Variants in DAAM1 observed in about 807,000 individuals in gnomAD.
DAAM1 encodes disheveled-associated activator of morphogenesis 1.
Under a neutral mutation model 130.0 loss-of-function variants are expected in DAAM1, and 52 were observed. The observed-to-expected ratio is 0.40, with a 90% CI of 0.32 to 0.50. The LOEUF (loss-of-function observed/expected upper bound fraction) is 0.50, where lower values mean the gene tolerates loss of function less well. Ranked by LOEUF, DAAM1 falls within the 20% of genes least tolerant of loss-of-function variation. DAAM1 has a pLI of 0.61. For synonymous variants in DAAM1, 452 were observed against 444.5 expected (o/e 1.02, Z -0.21); for missense variants, 1,134 against 1,303.8 (o/e 0.87, Z 2.01).
At chr14:59,340,051 G>T (rs1885785143) in intron 15 of DAAM1, 23 bp from the exon 16 acceptor site, 2 of 1,605,464 alleles carry the variant, frequency 1.2e-6, no homozygotes, top group African/African-American at 1.3e-5. Flanking sequence ...GACTTTGATG[G>T]ATTTCTTTCA....
At chr14:59,269,165 G>A (rs941603910) in intron 2 of DAAM1, among the ~76,000 whole-genome samples, 3 of 152,234 alleles carry the variant, frequency 2.0e-5, no homozygotes, top group Non-Finnish European at 2.9e-5. Context: ...TAGCAGAAAA[G>A]ACAGGCAACT....
chr14:59,218,077 G>A (rs1352183401), intron 1 of DAAM1, among the ~76,000 whole-genome samples: 1 of 152,170 alleles, frequency 6.6e-6, no homozygotes, highest in East Asian at 1.9e-4. Flanking sequence ...AGGCTGCAGT[G>A]AACTATGATT....
intron 4 of DAAM1, among the ~76,000 whole-genome samples, chr14:59,315,795 T>G (rs8003365): frequency 0.31 from 47,775 of 152,034 alleles, 8,894 homozygotes; most frequent in East Asian, 0.56. Flanking sequence ...GGCATCATGA[T>G]TTTGCAGGGG....
intron 15 of DAAM1, 143 bp downstream of exon 15, chr14:59,332,063 C>T (rs1441972308): frequency 1.3e-5 from 9 of 684,392 alleles, no homozygotes; most frequent in South Asian, 1.9e-5. Context: ...TCCGTGTCTC[C>T]GTCCAAGTGC....
chr14:59,200,587 T>C (rs778533182), intron 1 of DAAM1, among the ~76,000 whole-genome samples: 11 of 152,198 alleles, frequency 7.2e-5, no homozygotes, highest in East Asian at 1.9e-4. Flanking sequence ...GAAAATGTTA[T>C]AAGGTTTTAA....
At chr14:59,337,878 A>G (rs889658359) in intron 15 of DAAM1, among the ~76,000 whole-genome samples, 4 of 152,106 alleles carry the variant, frequency 2.6e-5, no homozygotes, top group Admixed American at 2.0e-4. Context: ...TCTTTTCTCA[A>G]TCCTTCCTTA....
chr14:59,235,413 TTTC>T (rs1889261632), intron 1 of DAAM1, among the ~76,000 whole-genome samples: 1 of 152,204 alleles, frequency 6.6e-6, no homozygotes, highest in South Asian at 2.1e-4. Flanking sequence ...TCTTCTAGGT[TTTC>T]TTGTTTATTT....
At chr14:59,200,000 G>C (rs1393577750) in intron 1 of DAAM1, among the ~76,000 whole-genome samples, 1 of 152,200 alleles carries the variant, frequency 6.6e-6, no homozygotes, top group Admixed American at 6.5e-5. Context: ...GGATATTTAG[G>C]GATAAATTGG....
Position 59,363,723 on chromosome 14 carries a change from A to G in DAAM1, c.2767A>G (p.Thr923Ala). Residue 923 changes from threonine to alanine, a missense_variant, in exon 23 of 25, where the codon ACA becomes GCA. This residue lies in a region of DAAM1 where 644 missense variants were observed against 695.9 expected (regional missense o/e 0.93). Coordinates refer to ENST00000360909, the MANE Select transcript of DAAM1 (RefSeq NM_001270520.2). The stretch of plus-strand genomic sequence containing the variant: ...TGTGTCTGTTGTCAGCCAGTTCATC[A>G]CAGTAGCCAGCTTCAGCTTCTCTGA... ...KFVSVVSQFITVASFSFSDVE... is the reference protein window; with the variant it reads ...KFVSVVSQFIAVASFSFSDVE... 1 of 1,614,116 alleles carries G rather than the reference A, an allele frequency of 6.2e-7. No individual in the cohort carries two copies. Among genetic ancestry groups the G allele is most frequent in the Non-Finnish European group, 8.5e-7 (1 of 1,179,992 alleles).
intron 1 of DAAM1, among the ~76,000 whole-genome samples, chr14:59,195,191 T>C (rs1320194292): frequency 6.9e-6 from 1 of 144,754 alleles, no homozygotes; most frequent in Non-Finnish European, 1.5e-5. Context: ...TCGCCCAGGC[T>C]GGAGTGCAGT....
intron 3 of DAAM1, among the ~76,000 whole-genome samples, chr14:59,308,587 T>C (rs1193331958): frequency 6.6e-6 from 1 of 152,136 alleles, no homozygotes; most frequent in Admixed American, 6.5e-5. Context: ...GAGCAGATGA[T>C]GGATCACCTG....
chr14:59,286,764 A>T (rs1373078269), intron 2 of DAAM1, among the ~76,000 whole-genome samples: 1 of 152,164 alleles, frequency 6.6e-6, no homozygotes, highest in Admixed American at 6.6e-5. Flanking sequence ...ACCAATAATG[A>T]GTTCTGAAAT....
chr14:59,279,438 T>A (rs1475277348), intron 2 of DAAM1, among the ~76,000 whole-genome samples: 2 of 152,200 alleles, frequency 1.3e-5, no homozygotes, highest in Non-Finnish European at 2.9e-5. Context: ...GTATCCATTA[T>A]TTTTTCCTTC....
At chr14:59,350,606 T>C (rs966026735) in intron 17 of DAAM1, among the ~76,000 whole-genome samples, 4 of 151,896 alleles carry the variant, frequency 2.6e-5, no homozygotes, top group African/African-American at 9.7e-5. Flanking sequence ...ACTGTCCTCC[T>C]CCCCTCCCTA....
chr14:59,298,135 T>C (rs1466991857), intron 3 of DAAM1, among the ~76,000 whole-genome samples: 1 of 152,216 alleles, frequency 6.6e-6, no homozygotes, highest in Non-Finnish European at 1.5e-5. Flanking sequence ...TATTTTATAT[T>C]AGGTTTTAGC....
chr14:59,292,760 G>A (rs939420724), intron 3 of DAAM1, among the ~76,000 whole-genome samples: 1 of 152,162 alleles, frequency 6.6e-6, no homozygotes, highest in Admixed American at 6.5e-5. Context: ...TGATCTCTGA[G>A]CCTCTATCAG....
intron 3 of DAAM1, among the ~76,000 whole-genome samples, chr14:59,292,190 G>T (rs146105296): frequency 4.1e-4 from 62 of 152,270 alleles, no homozygotes; most frequent in African/African-American, 1.5e-3. Context: ...TGGGGTAGTG[G>T]GAAGGTCAAG....
chr14:59,309,560 A>T (rs997441683), intron 3 of DAAM1, among the ~76,000 whole-genome samples: 1 of 152,186 alleles, frequency 6.6e-6, no homozygotes, highest in African/African-American at 2.4e-5. Context: ...TTTAGTAAAT[A>T]AAGTGTTGCT....
At chr14:59,360,424 C>T (rs1176987073) in intron 21 of DAAM1, among the ~76,000 whole-genome samples, 1 of 152,176 alleles carries the variant, frequency 6.6e-6, no homozygotes, top group Non-Finnish European at 1.5e-5. Flanking sequence ...AACATGATTG[C>T]AGATGAACTT....
Sources: allele counts gnomAD v4.1 joint callset (sites outside exome capture counted in the v4.1 genomes callset), GRCh38; gene constraint gnomAD v4.1.1; regional missense constraint gnomAD v4.1.1; transcripts MANE v1.5; gene names NCBI Gene and HGNC (gene_info 2026-07-23, HGNC 2026-07-21).